The following SSH2 variants were observed in gnomAD, a reference collection of about 807,000 sequenced individuals.
SSH2 encodes the protein slingshot protein phosphatase 2, also known as protein phosphatase Slingshot homolog 2.
SSH2 carries 37 observed loss-of-function variants against 135.2 expected under a neutral mutation model. The observed-to-expected ratio is 0.27, with a 90% CI of 0.21 to 0.36. The LOEUF is 0.36. SSH2 is among the 10% of genes least tolerant of loss of function. The probability of loss-of-function intolerance (pLI) is 1.00; values close to 1 mark genes in which losing one functional copy is unlikely to be tolerated. For missense variants in SSH2, 1,408 were observed against 1,765.3 expected (o/e 0.80, Z 3.63); for synonymous variants, 628 against 646.2 (o/e 0.97, Z 0.43).
intron 2 of SSH2, among the ~76,000 whole-genome samples, chr17:29,800,418 G>T (rs541506121): frequency 6.6e-6 from 1 of 152,128 alleles, no homozygotes; most frequent in African/African-American, 2.4e-5. Context: ...GTAGCTGAAG[G>T]TGGAATGCTT....
intron 3 of SSH2, among the ~76,000 whole-genome samples, chr17:29,718,334 T>A (rs2039698164): frequency 6.6e-6 from 1 of 152,210 alleles, no homozygotes; most frequent in Non-Finnish European, 1.5e-5. Context: ...TGAATGTCTT[T>A]AGCCACACTT....
intron 5 of SSH2, among the ~76,000 whole-genome samples, chr17:29,688,044 T>C (rs2038299107): frequency 1.3e-5 from 2 of 151,502 alleles, no homozygotes; most frequent in African/African-American, 2.4e-5. Flanking sequence ...GGAGTCTCAC[T>C]CTATCGCCCA....
intron 1 of SSH2, among the ~76,000 whole-genome samples, chr17:29,905,489 T>C (rs1340487644): frequency 1.3e-5 from 2 of 152,174 alleles, no homozygotes; most frequent in African/African-American, 2.4e-5. Flanking sequence ...TAGCTGCAGG[T>C]CTGAGCCTCC....
At position 29,703,687 on chromosome 17, in the gene SSH2, T is replaced by C. The variant is rs1358475312; in HGVS notation, c.189-625A>G. 2.0e-5 allele frequency among the ~76,000 whole-genome samples: 3 copies of C among 152,186 alleles called. No individual in the cohort carries two copies. The East Asian group carries it at 5.8e-4, about 29-fold the overall frequency. On this transcript the variant is annotated intron_variant, in intron 3 of 15. Coordinates refer to ENST00000540801, the MANE Select transcript of SSH2 (RefSeq NM_001282129.2). Reference sequence around the variant, plus strand: ...TCCGCCTCCCAGGTTCAAGTAATTCTCCTGCCTCAGCCTCCTGAGTAGCTG... The same window carrying C: ...TCCGCCTCCCAGGTTCAAGTAATTCCCCTGCCTCAGCCTCCTGAGTAGCTG...
At chr17:29,694,908 T>C (rs1202405988) in intron 5 of SSH2, among the ~76,000 whole-genome samples, 1 of 152,176 alleles carries the variant, frequency 6.6e-6, no homozygotes, top group Admixed American at 6.6e-5. Flanking sequence ...CATTTTGCAC[T>C]ATGCAGTATG....
Position 29,631,087 on chromosome 17 carries a change from G to A in SSH2, c.4107C>T (p.Pro1369=). The A allele has an allele frequency of 6.2e-7, 1 of 1,614,168 alleles. No homozygotes were observed. Among genetic ancestry groups the A allele is most frequent in the Non-Finnish European group, 8.5e-7 (1 of 1,180,032 alleles). The part of the protein sequence containing the change: ...CIVQSKPVER[P]LVQYAKEFGS... ...CAAATTCTTTGGCATACTGCACAAG[G>A]GGCCTCTCCACTGGCTTGCTCTGCA... The change falls in exon 16 of 16, where the codon CCC becomes CCT. Residue 1369 remains proline, a synonymous_variant. Transcript: ENST00000540801.
At chr17:29,925,934 C>T (rs1322257740) in intron 1 of SSH2, among the ~76,000 whole-genome samples, 2 of 151,948 alleles carry the variant, frequency 1.3e-5, no homozygotes, top group Non-Finnish European at 2.9e-5. Flanking sequence ...AAAATTTATA[C>T]CAGAAAGAAT....
intron 3 of SSH2, among the ~76,000 whole-genome samples, chr17:29,777,219 CAA>C (rs34359278): frequency 4.7e-5 from 5 of 106,512 alleles, no homozygotes; most frequent in Admixed American, 9.7e-5. Flanking sequence ...GACTCCATCT[CAA>C]AAAAAAAAAA....
intron 1 of SSH2, chr17:29,928,140 A>C (rs1255959438): frequency 6.1e-6 from 1 of 164,548 alleles, no homozygotes; most frequent in Non-Finnish European, 1.3e-5. Context: ...TATTTGCATG[A>C]CTCTACTAAC....
At chr17:29,761,871 G>GTGTATATATA (rs1334168372) in intron 3 of SSH2, among the ~76,000 whole-genome samples, 1 of 98,740 alleles carries the variant, frequency 1.0e-5, no homozygotes, top group African/African-American at 4.3e-5. Context: ...GTGTGTGTGT[G>GTGTATATATA]TATATATATA....
At chr17:29,907,964 G>T (rs1390373530) in intron 1 of SSH2, among the ~76,000 whole-genome samples, 1 of 151,852 alleles carries the variant, frequency 6.6e-6, no homozygotes, top group Non-Finnish European at 1.5e-5. Flanking sequence ...GGGACTACGG[G>T]CATGTGCCAC....
chr17:29,804,378 G>C (rs141446555), intron 2 of SSH2, among the ~76,000 whole-genome samples: 46 of 152,226 alleles, frequency 3.0e-4, no homozygotes, highest in African/African-American at 1.1e-3. Context: ...ACAAGAAAGC[G>C]AGCTTGATTA....
rs1317495497 is a variant in SSH2, at chr17:29,810,865, A to G, written c.145-16928T>C. 4.6e-5 allele frequency among the ~76,000 whole-genome samples: 7 copies of G among 152,354 alleles called. 1 individual carries two copies. The highest frequency in any genetic ancestry group is 4.6e-4 in the Admixed American group (7 of 15,304). ...GAACAAGCTTGTCCAACCCATGCCC[A>G]GAATGGCTTTGAATGTGGCCCAACA... On this transcript the variant is annotated intron_variant, in intron 2 of 15. Coordinates refer to ENST00000540801, the MANE Select transcript of SSH2 (RefSeq NM_001282129.2).
chr17:29,724,542 A>AC (rs1306522117), intron 3 of SSH2, among the ~76,000 whole-genome samples: 4 of 149,464 alleles, frequency 2.7e-5, no homozygotes, highest in African/African-American at 9.9e-5. Context: ...AAAAAAAAAA[A>AC]AAAACAAAAC....
intron 6 of SSH2, 41 bp from the exon 7 acceptor site, chr17:29,677,782 T>C: frequency 2.0e-6 from 3 of 1,510,076 alleles, no homozygotes; most frequent in Non-Finnish European, 1.8e-6. Context: ...TCCCCATTAC[T>C]CTGGGAAGCA....
intron 11 of SSH2, 54 bp downstream of exon 11, chr17:29,666,813 T>A (rs1598753326): frequency 1.3e-6 from 2 of 1,545,316 alleles, no homozygotes; most frequent in East Asian, 4.5e-5. Context: ...CCCCTGCCCA[T>A]GAGTCCATAT....
intron 3 of SSH2, among the ~76,000 whole-genome samples, chr17:29,753,360 C>T (rs2449899): frequency 0.019 from 2,809 of 151,642 alleles, 41 homozygotes; most frequent in Admixed American, 0.029. Context: ...GAACTCCTGA[C>T]CTCAGGTGAT....
chr17:29,632,233 C>T lies in SSH2; in HGVS notation c.2961G>A (p.Leu987=), dbSNP rs1291716662. 5.0e-6 allele frequency: 8 copies of T among 1,613,858 alleles called. No individual in the cohort carries two copies. The highest frequency in any genetic ancestry group is 4.5e-5 in the East Asian group (2 of 44,872). Residue 987 remains leucine (L), a synonymous_variant, in exon 16 of 16, where the codon CTG becomes CTA. Transcript: ENST00000540801. ...QNATVPAPRV[L]EFDHLPDPQE... ...GAGGATCTGGCAAGTGGTCAAACTC[C>T]AGCACCCTGGGAGCTGGAACAGTGG...
At chr17:29,859,482 G>A (rs1292139195) in intron 1 of SSH2, among the ~76,000 whole-genome samples, 1 of 152,064 alleles carries the variant, frequency 6.6e-6, no homozygotes, top group Non-Finnish European at 1.5e-5. Context: ...TGGTGTCTGT[G>A]TTCCCCTCTA....
Sources: gnomAD v4.1 joint callset for allele counts (sites outside exome capture counted in the v4.1 genomes callset) on GRCh38, gnomAD v4.1.1 for gene constraint, MANE v1.5 for transcripts, NCBI Gene and HGNC (gene_info 2026-07-23, HGNC 2026-07-21) for gene names.